The following MYO5B variants were observed in gnomAD, a reference collection of about 807,000 sequenced individuals.
MYO5B encodes the protein myosin VB.
A neutral mutation model predicts 229.3 loss-of-function variants in MYO5B; 143 were observed. The observed-to-expected ratio is 0.62, with a 90% CI of 0.54 to 0.72. The LOEUF (loss-of-function observed/expected upper bound fraction) is 0.72. Ranked by LOEUF, MYO5B falls within the 30% of genes least tolerant of loss-of-function variation. The pLI, the probability that MYO5B is intolerant of heterozygous loss-of-function variation, is 0.00. For missense variants in MYO5B, 2,321 were observed against 2,331.0 expected (o/e 1.00, Z 0.09); for synonymous variants, 918 against 885.2 (o/e 1.04, Z -0.66).
chr18:49,857,686 A>G (rs983783826), intron 29 of MYO5B, among the ~76,000 whole-genome samples: 4 of 152,172 alleles, frequency 2.6e-5, no homozygotes, highest in Admixed American at 2.6e-4. Context: ...ACCCCTCTAC[A>G]TGCAAACTCT....
At chr18:50,079,117 G>A (rs575363252) in intron 1 of MYO5B, among the ~76,000 whole-genome samples, 1 of 152,194 alleles carries the variant, frequency 6.6e-6, no homozygotes, top group Non-Finnish European at 1.5e-5. Context: ...TGGGATGCTG[G>A]TAAGTTCTGT....
chr18:49,916,314 A>G (rs1489873392), intron 17 of MYO5B, among the ~76,000 whole-genome samples: 1 of 152,244 alleles, frequency 6.6e-6, no homozygotes, highest in Non-Finnish European at 1.5e-5. Flanking sequence ...CCAGTACAGG[A>G]TGAACCTGGA....
At chr18:49,842,666 G>A (rs375418601) in intron 34 of MYO5B, among the ~76,000 whole-genome samples, 1 of 152,214 alleles carries the variant, frequency 6.6e-6, no homozygotes, top group Non-Finnish European at 1.5e-5. Flanking sequence ...GCCTGTTTCT[G>A]CAGTGGCTGC....
At chr18:49,928,412 G>C (rs1020649847) in intron 17 of MYO5B, among the ~76,000 whole-genome samples, 1 of 152,230 alleles carries the variant, frequency 6.6e-6, no homozygotes, top group African/African-American at 2.4e-5. Flanking sequence ...GGGAAGCTGA[G>C]GCAGGTGGAT....
At chr18:50,071,660 C>T (rs1360871771) in intron 1 of MYO5B, among the ~76,000 whole-genome samples, 1 of 152,358 alleles carries the variant, frequency 6.6e-6, no homozygotes, top group Admixed American at 6.5e-5. Flanking sequence ...CTTCTCTCTG[C>T]AGAGTTAGCA....
chr18:50,163,203 C>T (rs1455816222), intron 1 of MYO5B, among the ~76,000 whole-genome samples: 2 of 152,118 alleles, frequency 1.3e-5, no homozygotes, highest in African/African-American at 4.8e-5. Context: ...AATATTTTTT[C>T]CTTTTTCCTC....
At chr18:49,898,458 T>C (rs974186460) in intron 21 of MYO5B, among the ~76,000 whole-genome samples, 20 of 152,362 alleles carry the variant, frequency 1.3e-4, no homozygotes, top group African/African-American at 4.8e-4. Context: ...AAATGTGTGC[T>C]TGACTAAAGT....
chr18:50,149,252 A>C (rs1409439475), intron 1 of MYO5B, among the ~76,000 whole-genome samples: 1 of 151,958 alleles, frequency 6.6e-6, no homozygotes, highest in Non-Finnish European at 1.5e-5. Context: ...GAAAATGGCC[A>C]TACTGCCCAA....
At chr18:50,028,395 G>A (rs1171382853) in intron 4 of MYO5B, among the ~76,000 whole-genome samples, 2 of 152,070 alleles carry the variant, frequency 1.3e-5, no homozygotes, top group South Asian at 2.1e-4. Flanking sequence ...CACATCCAGC[G>A]ACCATCAACA....
At chr18:49,908,759 G>C (rs1236111433) in intron 18 of MYO5B, among the ~76,000 whole-genome samples, 1 of 152,170 alleles carries the variant, frequency 6.6e-6, no homozygotes, top group Non-Finnish European at 1.5e-5. Context: ...CTGGAGAGTA[G>C]GGTCCATGTA....
chr18:49,977,716 C>T (rs1373097776), intron 9 of MYO5B, among the ~76,000 whole-genome samples: 1 of 152,170 alleles, frequency 6.6e-6, no homozygotes, highest in Non-Finnish European at 1.5e-5. Flanking sequence ...AGAGGTTCCC[C>T]TCTCTGGGCC....
intron 14 of MYO5B, among the ~76,000 whole-genome samples, chr18:49,938,855 T>G (rs375658851): frequency 1.3e-5 from 2 of 152,100 alleles, no homozygotes; most frequent in East Asian, 3.9e-4. Flanking sequence ...CTCTCAAGGT[T>G]GAGCCCTGCC....
chr18:49,837,872 C>A, intron 36 of MYO5B, 70 bp from the exon 37 acceptor site: 1 of 1,553,640 alleles, frequency 6.4e-7, no homozygotes, highest in South Asian at 1.1e-5. Flanking sequence ...CCACTCAAAT[C>A]ATTTAGTGCT....
At chr18:50,020,400 C>T (rs952035109) in intron 4 of MYO5B, among the ~76,000 whole-genome samples, 1 of 152,264 alleles carries the variant, frequency 6.6e-6, no homozygotes, top group East Asian at 1.9e-4. Context: ...AGCTTTCCTC[C>T]TCCCCTTAAG....
rs1335250076 is a variant in MYO5B, at chr18:49,825,328, A to G, written c.*1143T>C. 2.6e-5 allele frequency: 4 copies of G among 152,124 alleles called. No homozygotes were observed. Among genetic ancestry groups the G allele is most frequent in the African/African-American group, 7.2e-5 (3 of 41,444 alleles). 9.4% of individuals were successfully genotyped at this position (152,124 alleles called of 1,614,324 possible). A position where few individuals can be genotyped will look rare whatever the true frequency, so the allele number is the denominator to read the frequency against. ...TTAAAATCCTTATTTTGTGGGAGAG[A>G]TATTTACAATTTTTTGTGTGCTAAA... is the stretch of plus-strand genomic sequence containing the variant. On this transcript the variant is annotated 3_prime_UTR_variant, in exon 40 of 40. Transcript: ENST00000285039.
At chr18:50,020,477 G>A (rs553587771) in intron 4 of MYO5B, among the ~76,000 whole-genome samples, 3 of 152,320 alleles carry the variant, frequency 2.0e-5, no homozygotes, top group African/African-American at 7.2e-5. Flanking sequence ...CTACCTGAAT[G>A]TCGGGACTCC....
At chr18:49,867,570 G>C (rs759366443) in intron 27 of MYO5B, among the ~76,000 whole-genome samples, 1 of 152,142 alleles carries the variant, frequency 6.6e-6, no homozygotes, top group Non-Finnish European at 1.5e-5. Context: ...GGACTGGGCA[G>C]GAAACCTTTC....
At chr18:50,104,532 A>C (rs117340720) in intron 1 of MYO5B, among the ~76,000 whole-genome samples, 4,389 of 152,172 alleles carry the variant, frequency 0.029, 80 homozygotes, top group Non-Finnish European at 0.045. Flanking sequence ...CACTGTCATG[A>C]TGATTCCTGT....
At chr18:49,839,466 T>C in intron 35 of MYO5B, 172 bp from the exon 36 acceptor site, 1 of 714,934 alleles carries the variant, frequency 1.4e-6, no homozygotes, top group Non-Finnish European at 2.5e-6. Context: ...GCCTCATTGA[T>C]GACCCTTGAA....
Sources: gnomAD v4.1 joint callset for allele counts (sites outside exome capture counted in the v4.1 genomes callset) on GRCh38, gnomAD v4.1.1 for gene constraint, MANE v1.5 for transcripts, NCBI Gene and HGNC (gene_info 2026-07-23, HGNC 2026-07-21) for gene names.